Variants in FOXP1 observed in about 807,000 individuals in gnomAD.
The protein encoded by FOXP1 is forkhead box protein P1.
FOXP1 carries 15 observed loss-of-function variants against 98.2 expected under a neutral mutation model. The ratio of observed to expected loss-of-function variants is 0.15; its 90% CI spans 0.10 to 0.24. FOXP1 has a LOEUF of 0.24. FOXP1 is among the 10% of genes least tolerant of loss of function. The probability of loss-of-function intolerance (pLI) is 1.00; values close to 1 mark genes in which losing one functional copy is unlikely to be tolerated. For synonymous variants in FOXP1, 371 were observed against 314.5 expected, an observed-to-expected ratio of 1.18 and a Z score of -1.90; for missense variants, 633 against 848.5, an observed-to-expected ratio of 0.75 and a Z score of 3.15.
chr3:71,559,336 C>T (rs1248909131), intron 2 of FOXP1, among the ~76,000 whole-genome samples: 1 of 152,220 alleles, frequency 6.6e-6, no homozygotes, highest in Non-Finnish European at 1.5e-5. Context: ...GAATGGACAA[C>T]TGCTATTTTT....
chr3:71,291,995 G>A (rs2072801703), intron 5 of FOXP1, among the ~76,000 whole-genome samples: 1 of 152,032 alleles, frequency 6.6e-6, no homozygotes, highest in Non-Finnish European at 1.5e-5. Flanking sequence ...CTGAGCGACT[G>A]TGCCTGGCCG....
intron 6 of FOXP1, among the ~76,000 whole-genome samples, chr3:71,157,277 G>A (rs146312532): frequency 6.6e-6 from 1 of 152,186 alleles, no homozygotes; most frequent in East Asian, 1.9e-4. Flanking sequence ...GGATGGAGGA[G>A]AGAATAACAC....
chr3:71,304,474 CA>C (rs975668653), intron 4 of FOXP1, among the ~76,000 whole-genome samples: 1 of 151,992 alleles, frequency 6.6e-6, no homozygotes, highest in African/African-American at 2.4e-5. Flanking sequence ...AAATGTTAAA[CA>C]AAAAGATAAA....
chr3:71,053,525 A>T, intron 8 of FOXP1, 111 bp downstream of exon 8: 1 of 1,353,950 alleles, frequency 7.4e-7, no homozygotes, highest in Non-Finnish European at 1.0e-6. Flanking sequence ...ACGCTGCTTT[A>T]CTCTTCACTG....
At chr3:71,486,569 G>A (rs1379772333) in intron 3 of FOXP1, among the ~76,000 whole-genome samples, 1 of 152,076 alleles carries the variant, frequency 6.6e-6, no homozygotes, top group African/African-American at 2.4e-5. Context: ...TCACTCTTCC[G>A]CACTCTGCTT....
chr3:71,197,147 G>T (rs1265002233), intron 6 of FOXP1, among the ~76,000 whole-genome samples: 1 of 152,174 alleles, frequency 6.6e-6, no homozygotes, highest in African/African-American at 2.4e-5. Context: ...AATGGTTTGA[G>T]CACTTTGTCC....
At chr3:71,321,090 G>A (rs1483809479) in intron 4 of FOXP1, among the ~76,000 whole-genome samples, 3 of 139,090 alleles carry the variant, frequency 2.2e-5, no homozygotes, top group Middle Eastern at 4.0e-3. Flanking sequence ...TTACCCTCCC[G>A]CTACTAACAG....
In FOXP1 at chr3:70,966,024, G is replaced by A. The variant is rs751641500; in HGVS notation, c.1755C>T (p.Tyr585=). 16 of 1,614,008 alleles carry A rather than the reference G, an allele frequency of 9.9e-6. No homozygotes were observed. Among genetic ancestry groups the A allele is most frequent in the Non-Finnish European group, 1.2e-5 (14 of 1,179,998 alleles). The change falls in exon 20 of 21, where the codon TAC becomes TAT. Residue 585 remains tyrosine (Y), a synonymous_variant. Coordinates refer to ENST00000649528, the MANE Select transcript of FOXP1 (RefSeq NM_001349338.3). ...TGGGATTTCCCATGGAAGCGGTAGTGTATAGAGGTATACTATTCTCAGCCA... is the reference window on the plus strand; with the variant it reads ...TGGGATTTCCCATGGAAGCGGTAGTATATAGAGGTATACTATTCTCAGCCA... The part of the protein sequence containing the change: ...ASMAENSIPL[Y]TTASMGNPTL...
intron 4 of FOXP1, among the ~76,000 whole-genome samples, chr3:71,317,385 T>C (rs150602576): frequency 8.2e-4 from 125 of 152,230 alleles, no homozygotes; most frequent in Middle Eastern, 3.4e-3. Context: ...CAACCGCATA[T>C]TAAATGGGAA....
intron 4 of FOXP1, among the ~76,000 whole-genome samples, chr3:71,343,554 A>ATTTTT (rs10658352): frequency 0.021 from 2,392 of 116,350 alleles, 117 homozygotes; most frequent in Non-Finnish European, 0.029. Flanking sequence ...TCTCAATTAG[A>ATTTTT]TTTTTTTTTT....
Position 71,272,750 on chromosome 3 carries a change from G to C in FOXP1, c.-12+27070C>G, listed in dbSNP as rs2070496331. Among the ~76,000 whole-genome samples, 3 of 142,342 alleles carry C rather than the reference G, an allele frequency of 2.1e-5. No homozygotes were observed. In the South Asian group the frequency reaches 6.6e-4, roughly 31 times the overall value. 93.4% of individuals were successfully genotyped at this position (142,342 alleles called of 152,430 possible). ...TGTTCCTAACTAACTGGGAGAAAGA[G>C]CTCTGCCCCTTATTAGGGTCACCTG... On this transcript the variant is annotated intron_variant, in intron 5 of 20. Coordinates refer to ENST00000649528, the MANE Select transcript of FOXP1 (RefSeq NM_001349338.3).
At chr3:71,157,795 T>G (rs1007041901) in intron 6 of FOXP1, among the ~76,000 whole-genome samples, 3 of 151,978 alleles carry the variant, frequency 2.0e-5, no homozygotes, top group Non-Finnish European at 4.4e-5. Flanking sequence ...TATTCTAAAG[T>G]GTGGAGGGAG....
intron 3 of FOXP1, among the ~76,000 whole-genome samples, chr3:71,491,476 T>C (rs957717912): frequency 3.3e-5 from 5 of 152,336 alleles, no homozygotes; most frequent in Admixed American, 2.0e-4. Flanking sequence ...CAAAGATCAC[T>C]AACAGCTCTA....
chr3:71,446,986 A>G (rs1452186254), intron 3 of FOXP1, among the ~76,000 whole-genome samples: 4 of 152,368 alleles, frequency 2.6e-5, no homozygotes, highest in Admixed American at 1.3e-4. Context: ...CTCAAACACT[A>G]GGGAGTGGGT....
chr3:71,287,403 C>T (rs1217055844), intron 5 of FOXP1, among the ~76,000 whole-genome samples: 2 of 151,960 alleles, frequency 1.3e-5, no homozygotes, highest in Non-Finnish European at 2.9e-5. Context: ...GCCTGGGAGG[C>T]AAGAGAATGC....
At chr3:71,399,672 C>T (rs1162741709) in intron 3 of FOXP1, among the ~76,000 whole-genome samples, 3 of 152,170 alleles carry the variant, frequency 2.0e-5, no homozygotes, top group Non-Finnish European at 1.5e-5. Context: ...GAAATTTCCT[C>T]TTACCACATC....
rs1157240943 is a variant in FOXP1, at chr3:71,397,036, GTA to G, written c.-167-37794_-167-37793del. ...TATATATATATATACATATATATGT[GTA>G]TATATATATACACATATATATGTGT... is the stretch of plus-strand genomic sequence containing the variant. On this transcript the variant is annotated intron_variant, in intron 3 of 20. Coordinates refer to ENST00000649528, the MANE Select transcript of FOXP1 (RefSeq NM_001349338.3). 3.4e-3 allele frequency among the ~76,000 whole-genome samples: 133 copies of G among 39,168 alleles called. 14 individuals carry two copies. The highest frequency in any genetic ancestry group is 0.022 in the East Asian group (82 of 3,808). The allele number at this position is 39,168 out of a possible 152,430, so 25.7% of individuals were successfully genotyped here. A position where few individuals can be genotyped will look rare whatever the true frequency, so the allele number is the denominator to read the frequency against.
At chr3:71,156,488 G>T (rs1311371274) in intron 6 of FOXP1, among the ~76,000 whole-genome samples, 2 of 143,530 alleles carry the variant, frequency 1.4e-5, no homozygotes, top group Non-Finnish European at 3.0e-5. Flanking sequence ...AAAAATGAAA[G>T]AATTTAAATG....
In FOXP1 at chr3:71,052,569, G is replaced by C; in HGVS notation, c.478C>G (p.Gln160Glu). ...QQEQLQLQLL[Q>E]QQHAGKQPKE... Reference sequence around the variant, plus strand: ...GGCTGTTTTCCAGCATGTTGTTGTTGTAAAAGTTGAAGCTGCAACTGTTCC... The same window carrying C: ...GGCTGTTTTCCAGCATGTTGTTGTTCTAAAAGTTGAAGCTGCAACTGTTCC... Residue 160 changes from glutamine (Q) to glutamate (E), a missense_variant, in exon 9 of 21, where the codon CAA becomes GAA. Gln to Glu is a conservative substitution (Grantham distance 29). Coordinates refer to ENST00000649528, the MANE Select transcript of FOXP1 (RefSeq NM_001349338.3). 3 of 1,434,926 alleles carry C rather than the reference G, an allele frequency of 2.1e-6. No individual in the cohort carries two copies. Among genetic ancestry groups the C allele is most frequent in the Non-Finnish European group, 3.0e-6 (3 of 1,016,070 alleles). 88.9% of individuals were successfully genotyped at this position (1,434,926 alleles called of 1,614,324 possible). A position where few individuals can be genotyped will look rare whatever the true frequency, so the allele number is the denominator to read the frequency against.
Sources: allele counts gnomAD v4.1 joint callset (sites outside exome capture counted in the v4.1 genomes callset), GRCh38; gene constraint gnomAD v4.1.1; transcripts MANE v1.5; gene names NCBI Gene and HGNC (gene_info 2026-07-23, HGNC 2026-07-21).